The following FTO variants were observed in gnomAD, a reference collection of about 807,000 sequenced individuals.
The protein encoded by FTO is FTO alpha-ketoglutarate dependent dioxygenase.
FTO carries 47 observed loss-of-function variants against 63.9 expected under a neutral mutation model. The observed-to-expected ratio is 0.74, with a 90% CI of 0.58 to 0.94. FTO has a LOEUF of 0.94. FTO is among the 40% of genes least tolerant of loss of function. FTO has a pLI of 0.00. For missense variants in FTO, 562 were observed against 618.1 expected (o/e 0.91, Z 0.96); for synonymous variants, 207 against 224.4 (o/e 0.92, Z 0.69).
chr16:53,984,321 CTTTTTTTTTTTTTTT>C (rs5816913), intron 8 of FTO, among the ~76,000 whole-genome samples: 340 of 67,334 alleles, frequency 5.0e-3, no homozygotes, highest in African/African-American at 0.018. Context: ...TGGAATGGGT[CTTTTTTTTTTTTTTT>C]TTTTTTTTTT....
chr16:53,844,054 A>G (rs766303539), intron 3 of FTO, 101 bp from the exon 4 acceptor site: 2 of 883,968 alleles, frequency 2.3e-6, no homozygotes, highest in East Asian at 5.4e-5. Flanking sequence ...TTTAATATTC[A>G]TATTTTATTA....
intron 1 of FTO, among the ~76,000 whole-genome samples, chr16:53,755,369 T>C (rs914775332): frequency 6.6e-6 from 1 of 152,050 alleles, no homozygotes; most frequent in Non-Finnish European, 1.5e-5. Flanking sequence ...GGCCTAGGAC[T>C]CTCCCTCCTG....
chr16:53,915,398 T>G (rs1422413742), intron 7 of FTO, among the ~76,000 whole-genome samples: 2 of 152,230 alleles, frequency 1.3e-5, no homozygotes. Flanking sequence ...AGCTTCTGTA[T>G]GGTGTATAAA....
intron 5 of FTO, among the ~76,000 whole-genome samples, chr16:53,875,496 AT>A (rs1404633480): frequency 2.0e-5 from 3 of 152,230 alleles, no homozygotes; most frequent in African/African-American, 7.2e-5. Context: ...TGCCACTACT[AT>A]TATTAAATTA....
intron 1 of FTO, among the ~76,000 whole-genome samples, chr16:53,728,893 C>G (rs940892305): frequency 2.6e-5 from 4 of 151,274 alleles, no homozygotes; most frequent in Admixed American, 6.6e-5. Context: ...CTCCAAGTAG[C>G]TGGGACTACA....
At chr16:53,858,052 G>C (rs2080059568) in intron 4 of FTO, among the ~76,000 whole-genome samples, 1 of 151,710 alleles carries the variant, frequency 6.6e-6, no homozygotes, top group Non-Finnish European at 1.5e-5. Context: ...TATAAACAAA[G>C]GATAAACATA....
intron 1 of FTO, among the ~76,000 whole-genome samples, chr16:53,734,246 C>G (rs1181497277): frequency 6.6e-6 from 1 of 152,098 alleles, no homozygotes; most frequent in Non-Finnish European, 1.5e-5. Context: ...TTCTGGATTT[C>G]TGGTCTATTA....
At position 53,866,620 on chromosome 16, in the gene FTO, G is replaced by A. The variant is rs532111467; in HGVS notation, c.896-7166G>A. On this transcript the variant is annotated intron_variant, in intron 4 of 8. Transcript: ENST00000471389. ...GGCAGATTTTATTTCTCAAGGAATT[G>A]GTTCATTTTTTATAGGTTTTCAGAT... 4.0e-4 allele frequency among the ~76,000 whole-genome samples: 61 copies of A among 152,036 alleles called. 1 individual carries two copies. The South Asian group carries it at 0.012, about 29-fold the overall frequency.
intron 7 of FTO, among the ~76,000 whole-genome samples, chr16:53,912,399 T>C (rs2081734758): frequency 6.6e-6 from 1 of 152,138 alleles, no homozygotes; most frequent in Non-Finnish European, 1.5e-5. Context: ...CTGACATGCG[T>C]CAGTGAAAAA....
intron 1 of FTO, among the ~76,000 whole-genome samples, chr16:53,708,400 C>CAT (rs1226173022): frequency 6.6e-6 from 1 of 151,924 alleles, no homozygotes; most frequent in Non-Finnish European, 1.5e-5. Context: ...CAGGATATAC[C>CAT]ATATTTTGTT....
chr16:53,904,153 A>G (rs2081477549), intron 7 of FTO, among the ~76,000 whole-genome samples: 1 of 152,054 alleles, frequency 6.6e-6, no homozygotes, highest in Non-Finnish European at 1.5e-5. Flanking sequence ...GTTTCCCAAC[A>G]TCCTCACCAG....
intron 4 of FTO, among the ~76,000 whole-genome samples, chr16:53,852,675 C>T (rs9934979): frequency 0.39 from 58,978 of 151,834 alleles, 13,959 homozygotes; most frequent in East Asian, 0.84. Flanking sequence ...ATCCAACCTG[C>T]GCCAATGAAT....
chr16:53,715,435 G>A (rs2075872396), intron 1 of FTO, among the ~76,000 whole-genome samples: 1 of 152,232 alleles, frequency 6.6e-6, no homozygotes, highest in African/African-American at 2.4e-5. Flanking sequence ...TACCAGGGAT[G>A]TAAGGTTCTT....
chr16:53,780,655 C>T (rs1231241578), intron 1 of FTO, among the ~76,000 whole-genome samples: 1 of 152,134 alleles, frequency 6.6e-6, no homozygotes, highest in Non-Finnish European at 1.5e-5. Flanking sequence ...CAGGCAGGAG[C>T]CACTGAGCCA....
At chr16:53,992,403 T>A (rs758895031) in intron 8 of FTO, 1 of 152,216 alleles carries the variant, frequency 6.6e-6, no homozygotes, top group Non-Finnish European at 1.5e-5. Flanking sequence ...CTGAGATCTC[T>A]GTTTCAGGTC....
chr16:53,830,789 G>A (rs563468669), intron 3 of FTO, among the ~76,000 whole-genome samples: 18 of 152,198 alleles, frequency 1.2e-4, no homozygotes, highest in African/African-American at 4.1e-4. Flanking sequence ...CCAGCTACTC[G>A]GGAGGCTGAG....
chr16:53,728,762 T>C (rs2076206395), intron 1 of FTO, among the ~76,000 whole-genome samples: 1 of 111,248 alleles, frequency 9.0e-6, no homozygotes, highest in Admixed American at 8.9e-5. Context: ...GGGACCATAC[T>C]TCTTTTTTTT....
intron 8 of FTO, among the ~76,000 whole-genome samples, chr16:54,057,533 G>A (rs1599289558): frequency 6.6e-6 from 1 of 152,010 alleles, no homozygotes; most frequent in Non-Finnish European, 1.5e-5. Flanking sequence ...GCACGATCTC[G>A]GCTCACTGCA....
chr16:53,867,465 A>G (rs1167007933), intron 4 of FTO, among the ~76,000 whole-genome samples: 5 of 151,666 alleles, frequency 3.3e-5, no homozygotes, highest in African/African-American at 9.7e-5. Context: ...AATAATAACA[A>G]CAATGTATTC....
Sources: allele counts gnomAD v4.1 joint callset (sites outside exome capture counted in the v4.1 genomes callset), GRCh38; gene constraint gnomAD v4.1.1; transcripts MANE v1.5; gene names NCBI Gene and HGNC (gene_info 2026-07-23, HGNC 2026-07-21).